The following ALK variants were observed in gnomAD, a reference collection of about 807,000 sequenced individuals.
ALK encodes ALK receptor tyrosine kinase, also known as ALK tyrosine kinase receptor.
In ALK, 74 loss-of-function variants were observed where a neutral mutation model predicts 163.1. That is an observed-to-expected ratio of 0.45 (90% CI 0.38 to 0.55). ALK has a LOEUF of 0.55. ALK is among the 20% of genes least tolerant of loss of function. The probability of loss-of-function intolerance (pLI) is 0.00; values close to 1 mark genes in which losing one functional copy is unlikely to be tolerated. For synonymous variants in ALK, 960 were observed against 843.2 expected (o/e 1.14, Z -2.40); for missense variants, 2,063 against 2,105.3 (o/e 0.98, Z 0.39).
chr2:29,729,008 C>T (rs919644582), intron 1 of ALK, among the ~76,000 whole-genome samples: 4 of 152,186 alleles, frequency 2.6e-5, no homozygotes, highest in African/African-American at 4.8e-5. Context: ...GGCTCTGCCC[C>T]GTAACAGGAC....
At chr2:29,425,652 G>A (rs1268216355) in intron 4 of ALK, among the ~76,000 whole-genome samples, 1 of 152,166 alleles carries the variant, frequency 6.6e-6, no homozygotes, top group Non-Finnish European at 1.5e-5. Context: ...TCTAAGAAAA[G>A]TGGGCCACAA....
intron 4 of ALK, among the ~76,000 whole-genome samples, chr2:29,488,280 G>C (rs1490464429): frequency 6.6e-6 from 1 of 152,142 alleles, no homozygotes; most frequent in South Asian, 2.1e-4. Context: ...CTGTCACCAT[G>C]TTCCACCAGG....
At chr2:29,429,919 T>C (rs1211364733) in intron 4 of ALK, among the ~76,000 whole-genome samples, 1 of 152,038 alleles carries the variant, frequency 6.6e-6, no homozygotes, top group African/African-American at 2.4e-5. Flanking sequence ...CTCAAATTTG[T>C]GGTTGAGTCT....
At chr2:29,325,516 G>A (rs1019525048) in intron 6 of ALK, among the ~76,000 whole-genome samples, 1 of 152,190 alleles carries the variant, frequency 6.6e-6, no homozygotes, top group African/African-American at 2.4e-5. Context: ...CCAGAGAAAG[G>A]CGGTAGCAGG....
chr2:29,625,569 C>T (rs1012917077), intron 3 of ALK, among the ~76,000 whole-genome samples: 1 of 152,136 alleles, frequency 6.6e-6, no homozygotes, highest in Non-Finnish European at 1.5e-5. Flanking sequence ...AGACATGTGT[C>T]CCTTAATGAA....
At chr2:29,828,058 A>C (rs193206519) in intron 1 of ALK, among the ~76,000 whole-genome samples, 263 of 152,334 alleles carry the variant, frequency 1.7e-3, no homozygotes, top group African/African-American at 6.0e-3. Context: ...CAAAAACAAG[A>C]AATGGGGAAA....
At chr2:29,610,278 G>T (rs1467692920) in intron 3 of ALK, among the ~76,000 whole-genome samples, 1 of 152,188 alleles carries the variant, frequency 6.6e-6, no homozygotes, top group African/African-American at 2.4e-5. Flanking sequence ...CTGATGACTT[G>T]CTGTTGGCTC....
chr2:29,210,962 G>T lies in ALK; in HGVS notation c.3744-1084C>A, dbSNP rs1299770807. Among the ~76,000 whole-genome samples the T allele has an allele frequency of 2.0e-5, 3 of 152,302 alleles. No individual in the cohort carries two copies. In the South Asian group the frequency reaches 6.2e-4, roughly 32 times the overall value. On this transcript the variant is annotated intron_variant, in intron 24 of 28. Transcript: ENST00000389048. ...TGAAGGATACAGCCAGAAGAAGTCT[G>T]GGATGGGTCTCTAATAATATTAAGG...
At chr2:29,468,114 C>A (rs1314955247) in intron 4 of ALK, among the ~76,000 whole-genome samples, 3 of 151,804 alleles carry the variant, frequency 2.0e-5, no homozygotes, top group African/African-American at 7.3e-5. Flanking sequence ...CTGCAACCTG[C>A]GCCTACCGGG....
chr2:29,272,945 C>T (rs1665431525), intron 11 of ALK, among the ~76,000 whole-genome samples: 1 of 152,240 alleles, frequency 6.6e-6, no homozygotes, highest in African/African-American at 2.4e-5. Context: ...TTTTACTCAT[C>T]CCTATAATGG....
At chr2:29,852,446 G>A (rs966882537) in intron 1 of ALK, among the ~76,000 whole-genome samples, 3 of 152,178 alleles carry the variant, frequency 2.0e-5, no homozygotes, top group African/African-American at 7.2e-5. Context: ...AAGTAAGACA[G>A]TTGCTGACTA....
At chr2:29,541,196 T>C (rs897654919) in intron 3 of ALK, among the ~76,000 whole-genome samples, 2 of 152,230 alleles carry the variant, frequency 1.3e-5, no homozygotes, top group African/African-American at 4.8e-5. Context: ...GGATGGTATA[T>C]TTAAATGTAT....
rs568188297 is a variant in ALK at position 29,197,800 on chromosome 2, C to T, written c.3939-124G>A. ...TCCCCCATTATACCCTTTTCCATAA[C>T]ATAGAACTCTTAAAATGTAGAAAAA... On this transcript the variant is annotated intron_variant, in intron 26 of 28. Coordinates refer to ENST00000389048, the MANE Select transcript of ALK (RefSeq NM_004304.5). 2.3e-3 allele frequency: 1,896 copies of T among 834,316 alleles called. 10 individuals are homozygous for T. Among genetic ancestry groups the T allele is most frequent in the South Asian group, 8.6e-3 (619 of 72,000 alleles). The allele number at this position is 834,316 out of a possible 1,614,324, so 51.7% of individuals were successfully genotyped here. A position where few individuals can be genotyped will look rare whatever the true frequency, so the allele number is the denominator to read the frequency against.
intron 3 of ALK, among the ~76,000 whole-genome samples, chr2:29,649,813 A>C (rs1004976432): frequency 1.1e-4 from 16 of 151,694 alleles, no homozygotes; most frequent in African/African-American, 3.6e-4. Context: ...CAGTTGACTC[A>C]CCTCTGCCCT....
At chr2:29,569,034 T>C (rs554282964) in intron 3 of ALK, among the ~76,000 whole-genome samples, 1 of 152,276 alleles carries the variant, frequency 6.6e-6, no homozygotes, top group East Asian at 1.9e-4. Flanking sequence ...AGTACCCCTG[T>C]TTCCATCCAA....
chr2:29,639,324 C>T (rs1028359978), intron 3 of ALK, among the ~76,000 whole-genome samples: 1 of 152,156 alleles, frequency 6.6e-6, no homozygotes, highest in African/African-American at 2.4e-5. Context: ...CTGCTGTGTC[C>T]TTGCGTGGTG....
intron 5 of ALK, among the ~76,000 whole-genome samples, chr2:29,344,778 A>G (rs1351895541): frequency 6.6e-6 from 1 of 152,262 alleles, no homozygotes; most frequent in Non-Finnish European, 1.5e-5. Flanking sequence ...TGATAGGCAC[A>G]CAGAGAAGGA....
chr2:29,821,446 C>T (rs1665045601), intron 1 of ALK, among the ~76,000 whole-genome samples: 1 of 152,188 alleles, frequency 6.6e-6, no homozygotes. Flanking sequence ...CTCTCTTGCA[C>T]AGATCGAAGT....
At chr2:29,754,841 G>A (rs1478558549) in intron 1 of ALK, among the ~76,000 whole-genome samples, 1 of 152,074 alleles carries the variant, frequency 6.6e-6, no homozygotes, top group Non-Finnish European at 1.5e-5. Flanking sequence ...AGTTCTAAAT[G>A]AGTTTCTATT....
Sources: gnomAD v4.1 joint callset for allele counts (sites outside exome capture counted in the v4.1 genomes callset) on GRCh38, gnomAD v4.1.1 for gene constraint, MANE v1.5 for transcripts, NCBI Gene and HGNC (gene_info 2026-07-23, HGNC 2026-07-21) for gene names.